Variants in MSANTD5 observed in about 807,000 individuals in gnomAD.
The protein encoded by MSANTD5 is uncharacterized protein MSANTD5.
the MSANTD5 span, among the ~76,000 whole-genome samples, chr5:178,704,055 A>C: frequency 6.6e-6 from 1 of 152,264 alleles, no homozygotes; most frequent in African/African-American, 2.4e-5. Flanking sequence ...AATTTTTACC[A>C]AATATATGAA....
rs574437466 is a variant in MSANTD5, at chr5:178,695,827, C to A, written c.92-229G>T. ...TGAGAGCCTGGGTCTTGCTCAAGTT[C>A]CTTAAAATGTTTCAGAGGCTACTGA... On this transcript the variant is annotated intron_variant, in intron 2 of 3. Coordinates refer to ENST00000648368, the Ensembl canonical transcript of MSANTD5. 2.3e-4 allele frequency among the ~76,000 whole-genome samples: 35 copies of A among 152,286 alleles called. No individual in the cohort carries two copies. The East Asian group carries it at 6.0e-3, about 26-fold the overall frequency.
At chr5:178,705,866 G>A in the MSANTD5 span, among the ~76,000 whole-genome samples, 1 of 152,092 alleles carries the variant, frequency 6.6e-6, no homozygotes, top group Non-Finnish European at 1.5e-5. Flanking sequence ...CTGAGGCAGG[G>A]GAAAGGCGTG....
At chr5:178,701,690 T>A (rs1235869790), upstream of MSANTD5, among the ~76,000 whole-genome samples, 1 of 147,656 alleles carries the variant, frequency 6.8e-6, no homozygotes, top group African/African-American at 2.5e-5. Flanking sequence ...TATATATATT[T>A]AAATATATAA....
chr5:178,702,617 A>G (rs2113858357), upstream of MSANTD5, among the ~76,000 whole-genome samples: 1 of 150,610 alleles, frequency 6.6e-6, no homozygotes, highest in Admixed American at 6.6e-5. Context: ...TTTTTTTTCA[A>G]GACAGAGTCT....
chr5:178,698,043 G>T (rs1581734059), upstream of MSANTD5, among the ~76,000 whole-genome samples: 1 of 152,072 alleles, frequency 6.6e-6, no homozygotes, highest in South Asian at 2.1e-4. Context: ...CCCTGAGTTC[G>T]TGCTGAATGG....
chr5:178,698,146 G>T (rs998261610), upstream of MSANTD5, among the ~76,000 whole-genome samples: 1 of 152,204 alleles, frequency 6.6e-6, no homozygotes, highest in Non-Finnish European at 1.5e-5. Flanking sequence ...AGGGTGAATG[G>T]ATGGCATGGA....
the MSANTD5 span, among the ~76,000 whole-genome samples, chr5:178,705,045 C>T: frequency 6.6e-6 from 1 of 151,468 alleles, no homozygotes; most frequent in African/African-American, 2.4e-5. Context: ...CCTTGGTTTT[C>T]TTCTTTTCTT....
upstream of MSANTD5, among the ~76,000 whole-genome samples, chr5:178,700,215 G>C (rs1765462283): frequency 6.6e-6 from 1 of 152,044 alleles, no homozygotes; most frequent in African/African-American, 2.4e-5. Flanking sequence ...CCTCAACTTG[G>C]ACACAGTACA....
upstream of MSANTD5, among the ~76,000 whole-genome samples, chr5:178,702,283 TTTTC>T (rs1346288542): frequency 6.6e-6 from 1 of 151,078 alleles, no homozygotes; most frequent in Non-Finnish European, 1.5e-5. Flanking sequence ...ACGTGGCAAT[TTTTC>T]TTTCTTTTTT....
downstream of MSANTD5, among the ~76,000 whole-genome samples, chr5:178,693,622 C>G (rs1458347400): frequency 6.6e-6 from 1 of 152,060 alleles, no homozygotes; most frequent in Non-Finnish European, 1.5e-5. Context: ...CCTCCCACAG[C>G]ACGAAAGAGG....
downstream of MSANTD5, among the ~76,000 whole-genome samples, chr5:178,692,489 G>T (rs1233778286): frequency 6.6e-6 from 1 of 151,988 alleles, no homozygotes; most frequent in East Asian, 1.9e-4. Flanking sequence ...TGTATCTGGA[G>T]GATTATAACA....
chr5:178,699,292 A>G (rs1271280936), upstream of MSANTD5, among the ~76,000 whole-genome samples: 1 of 152,216 alleles, frequency 6.6e-6, no homozygotes, highest in East Asian at 1.9e-4. Flanking sequence ...ACTCATCTTC[A>G]GGGTTTCTGC....
At chr5:178,702,291 C>CTTT, upstream of MSANTD5, among the ~76,000 whole-genome samples, 1 of 142,188 alleles carries the variant, frequency 7.0e-6, no homozygotes, top group African/African-American at 2.6e-5. Flanking sequence ...ATTTTTCTTT[C>CTTT]TTTTTTTTTC....
At chr5:178,699,686 C>T (rs1369616793), upstream of MSANTD5, among the ~76,000 whole-genome samples, 1 of 152,224 alleles carries the variant, frequency 6.6e-6, no homozygotes, top group African/African-American at 2.4e-5. Context: ...GCTGGGATTA[C>T]AGGCTTGAGC....
At chr5:178,691,776 T>C (rs560588383), downstream of MSANTD5, among the ~76,000 whole-genome samples, 128 of 136,428 alleles carry the variant, frequency 9.4e-4, 17 homozygotes, top group African/African-American at 3.2e-3. Context: ...AGATGGCAAA[T>C]AGGCATACAA....
chr5:178,698,276 AT>A (rs1290186514), upstream of MSANTD5, among the ~76,000 whole-genome samples: 1 of 152,190 alleles, frequency 6.6e-6, no homozygotes, highest in African/African-American at 2.4e-5. Flanking sequence ...AGATTTACAT[AT>A]ACAGAAATGA....
downstream of MSANTD5, among the ~76,000 whole-genome samples, chr5:178,693,799 T>TTGG (rs1453445024): frequency 6.6e-6 from 1 of 151,902 alleles, no homozygotes; most frequent in Non-Finnish European, 1.5e-5. Context: ...AGAGTGCTGA[T>TTGG]TGGTGCATTT....
downstream of MSANTD5, among the ~76,000 whole-genome samples, chr5:178,694,315 C>CAAAAAA (rs56778816): frequency 2.4e-4 from 15 of 61,510 alleles, no homozygotes; most frequent in South Asian, 6.5e-4. Flanking sequence ...GACTCCATCT[C>CAAAAAA]AAAAAAAAAA....
At chr5:178,692,748 T>C (rs868318806), downstream of MSANTD5, among the ~76,000 whole-genome samples, 10 of 152,078 alleles carry the variant, frequency 6.6e-5, no homozygotes, top group South Asian at 2.1e-3. Context: ...AAAAAGGAAG[T>C]GTATTTCAGC....
Sources: allele counts gnomAD v4.1 joint callset (sites outside exome capture counted in the v4.1 genomes callset), GRCh38; gene constraint gnomAD v4.1.1; transcripts MANE v1.5; gene names NCBI Gene and HGNC (gene_info 2026-07-23, HGNC 2026-07-21).